Variants in NDUFC2 observed in about 807,000 individuals in gnomAD.
NDUFC2 encodes the protein NADH dehydrogenase [ubiquinone] 1 subunit C2.
Under a neutral mutation model 10.1 loss-of-function variants are expected in NDUFC2, and 2 were observed. The ratio of observed to expected loss-of-function variants is 0.20; its 90% CI spans 0.08 to 0.62. The LOEUF is 0.62. Among genes scored for constraint, NDUFC2 ranks in the 20% least tolerant of loss-of-function variants. The pLI is 0.87. For synonymous variants in NDUFC2, 61 were observed against 63.6 expected (o/e 0.96, Z 0.20); for missense variants, 156 against 159.6 (o/e 0.98, Z 0.12).
chr11:78,079,353 G>C (rs1353703574), intron 1 of NDUFC2, among the ~76,000 whole-genome samples: 1 of 152,190 alleles, frequency 6.6e-6, no homozygotes, highest in African/African-American at 2.4e-5. Context: ...CACAGACTCA[G>C]TTCCTGCTTC....
In NDUFC2 at chr11:78,075,698, C is replaced by T. The variant is rs533722548; in HGVS notation, c.167-2557G>A. ...CACCCAGGCTCAAGTGATCCTCTTA[C>T]TTCAGTCTCCCAAGTAGCTGGGATC... is the stretch of plus-strand genomic sequence containing the variant. On this transcript the variant is annotated intron_variant, in intron 1 of 2. Transcript: ENST00000281031. Among the ~76,000 whole-genome samples, 28 of 152,334 alleles carry T rather than the reference C, an allele frequency of 1.8e-4. No homozygotes were observed. In the South Asian group the frequency reaches 5.6e-3, roughly 30 times the overall value.
At position 78,070,089 on chromosome 11, in the gene NDUFC2, T is replaced by C. The variant is rs941641573; in HGVS notation, c.311-53A>G. On this transcript the variant is annotated intron_variant, in intron 2 of 2. Transcript: ENST00000281031. ...TATTTTAAAAATATGTTTTAAAAATTGTATTTCCTAAACGAAAATTAACAC... is the reference window on the plus strand; with the variant it reads ...TATTTTAAAAATATGTTTTAAAAATCGTATTTCCTAAACGAAAATTAACAC... 4.6e-6 allele frequency: 6 copies of C among 1,317,380 alleles called. No individual in the cohort carries two copies. In the African/African-American group the frequency reaches 6.0e-5, roughly 13 times the overall value. The allele number at this position is 1,317,380 out of a possible 1,614,324, so 81.6% of individuals were successfully genotyped here.
chr11:78,077,435 C>A (rs1859298733), intron 1 of NDUFC2, among the ~76,000 whole-genome samples: 2 of 152,208 alleles, frequency 1.3e-5, no homozygotes, highest in South Asian at 2.1e-4. Flanking sequence ...TCAATTCTCA[C>A]AACAAATATG....
intron 2 of NDUFC2, among the ~76,000 whole-genome samples, chr11:78,072,431 GC>G (rs562921454): frequency 6.6e-6 from 1 of 152,178 alleles, no homozygotes; most frequent in South Asian, 2.1e-4. Flanking sequence ...GCCCCGCTCG[GC>G]CCCCCAAAGT....
chr11:78,069,582 G>T lies in NDUFC2; in HGVS notation c.*405C>A. ...GGGCAGGCAAACCTTTTCTGAAAGG[G>T]CTACATATTAATTAGGCTTTGCAGG... On this transcript the variant is annotated 3_prime_UTR_variant, in exon 3 of 3. Transcript: ENST00000281031. The T allele has an allele frequency of 2.5e-6, 1 of 393,474 alleles. No homozygotes were observed. The allele number at this position is 393,474 out of a possible 1,614,324, so 24.4% of individuals were successfully genotyped here.
chr11:78,079,781 C>T lies in NDUFC2; in HGVS notation c.-37G>A, dbSNP rs1859444535. ...TTCCACTTGAGGCCTGGTCTCAGAC[C>T]ACGAACTACAAGGAAAACCACGACG... is the stretch of plus-strand genomic sequence containing the variant. On this transcript the variant is annotated 5_prime_UTR_variant, in exon 1 of 3. Coordinates refer to ENST00000281031, the MANE Select transcript of NDUFC2 (RefSeq NM_004549.6). 1.3e-6 allele frequency: 2 copies of T among 1,579,166 alleles called. No homozygotes were observed. The highest frequency in any genetic ancestry group is 2.0e-5 in the Admixed American group (1 of 50,826).
At chr11:78,073,294 C>T (rs1310075551) in intron 1 of NDUFC2, among the ~76,000 whole-genome samples, 153 bp from the exon 2 acceptor site, 2 of 151,854 alleles carry the variant, frequency 1.3e-5, no homozygotes, top group African/African-American at 4.8e-5. Flanking sequence ...GAGTTCGAGA[C>T]CAGCCTGGCC....
chr11:78,079,627 A>T lies in NDUFC2; in HGVS notation c.118T>A (p.Ser40Thr). ...LLYIGFLGYCSGLIDNLIRRR... is the reference protein window; with the variant it reads ...LLYIGFLGYCTGLIDNLIRRR... ...CGGATTAGGTTATCAATCAGGCCGGAGCAGTAGCCCAAGAAGCCGATGTAG... is the reference window on the plus strand; with the variant it reads ...CGGATTAGGTTATCAATCAGGCCGGTGCAGTAGCCCAAGAAGCCGATGTAG... Residue 40 changes from serine (S) to threonine (T), a missense_variant, in exon 1 of 3, where the codon TCC becomes ACC. Physicochemically the swap from Ser to Thr is moderately conservative, Grantham distance 58. Coordinates refer to ENST00000281031, the MANE Select transcript of NDUFC2 (RefSeq NM_004549.6). 6.3e-7 allele frequency: 1 copy of T among 1,575,572 alleles called. No homozygotes were observed. The highest frequency in any genetic ancestry group is 8.6e-7 in the Non-Finnish European group (1 of 1,161,132).
At chr11:78,071,856 A>T (rs1038413555) in intron 2 of NDUFC2, among the ~76,000 whole-genome samples, 3 of 152,204 alleles carry the variant, frequency 2.0e-5, no homozygotes, top group African/African-American at 7.2e-5. Flanking sequence ...ATAAAGTAAT[A>T]TAGGGCAGGT....
At position 78,069,958 on chromosome 11, in the gene NDUFC2, G is replaced by C; in HGVS notation, c.*29C>G. 2 of 1,613,078 alleles carry C rather than the reference G, an allele frequency of 1.2e-6. No individual in the cohort carries two copies. The highest frequency in any genetic ancestry group is 1.7e-6 in the Non-Finnish European group (2 of 1,179,538). Reference sequence around the variant, plus strand: ...TCAAATTCAGAAACAGCAGGTATCAGTGAAACTGGAGCAAGCATTTTGAAG... The same window carrying C: ...TCAAATTCAGAAACAGCAGGTATCACTGAAACTGGAGCAAGCATTTTGAAG... On this transcript the variant is annotated 3_prime_UTR_variant, in exon 3 of 3. Coordinates refer to ENST00000281031, the MANE Select transcript of NDUFC2 (RefSeq NM_004549.6).
intron 1 of NDUFC2, among the ~76,000 whole-genome samples, chr11:78,077,293 A>G (rs1465834021): frequency 6.8e-6 from 1 of 147,516 alleles, no homozygotes; most frequent in Admixed American, 6.8e-5. Flanking sequence ...CCCTGTCTCA[A>G]AAAAAAAAAA....
chr11:78,076,418 AGGC>A (rs1859254964), intron 1 of NDUFC2, among the ~76,000 whole-genome samples: 1 of 152,274 alleles, frequency 6.6e-6, no homozygotes, highest in Non-Finnish European at 1.5e-5. Context: ...TTGGGATTAC[AGGC>A]ATGAGCCACC....
chr11:78,077,309 T>A (rs1182560333), intron 1 of NDUFC2, among the ~76,000 whole-genome samples: 5 of 150,952 alleles, frequency 3.3e-5, no homozygotes, highest in Admixed American at 3.3e-4. Flanking sequence ...AAAAAAGGGT[T>A]CTGTAAATGA....
At chr11:78,078,725 C>G (rs1859356190) in intron 1 of NDUFC2, among the ~76,000 whole-genome samples, 2 of 25,666 alleles carry the variant, frequency 7.8e-5, no homozygotes, top group Non-Finnish European at 1.6e-4. Context: ...GAATCAGGAT[C>G]CGCTTTTTTT....
chr11:78,073,048 C>T lies in NDUFC2; in HGVS notation c.260G>A (p.Arg87His), dbSNP rs772399659. Residue 87 changes from arginine (R) to histidine (H), a missense_variant, in exon 2 of 3, where the codon CGT becomes CAT. Arg to His is a conservative substitution (Grantham distance 29). Transcript: ENST00000281031. The part of the protein sequence containing the change: ...REDYLYAVRD[R>H]EMFGYMKLHP... Reference sequence around the variant, plus strand: ...TAATTTCATATATCCAAACATTTCACGGTCCCTCACAGCATACAGGTAGTC... The same window carrying T: ...TAATTTCATATATCCAAACATTTCATGGTCCCTCACAGCATACAGGTAGTC... 31 of 1,613,850 alleles carry T rather than the reference C, an allele frequency of 1.9e-5. 1 individual carries two copies. In the East Asian group the frequency reaches 2.9e-4, roughly 15 times the overall value.
intron 1 of NDUFC2, among the ~76,000 whole-genome samples, chr11:78,077,620 A>G (rs1859307065): frequency 6.6e-6 from 1 of 151,932 alleles, no homozygotes; most frequent in African/African-American, 2.4e-5. Flanking sequence ...CAGTGGTGCA[A>G]TCGTGGCTCG....
Position 78,079,622 on chromosome 11 carries a change from G to A in NDUFC2, c.123C>T (p.Gly41=). 1.3e-6 allele frequency: 2 copies of A among 1,569,556 alleles called. No homozygotes were observed. Among genetic ancestry groups the A allele is most frequent in the Non-Finnish European group, 1.7e-6 (2 of 1,157,928 alleles). ...TCCGCCGGATTAGGTTATCAATCAGGCCGGAGCAGTAGCCCAAGAAGCCGA... is the reference window on the plus strand; with the variant it reads ...TCCGCCGGATTAGGTTATCAATCAGACCGGAGCAGTAGCCCAAGAAGCCGA... ...LYIGFLGYCS[G]LIDNLIRRRP... is the part of the protein sequence containing the mutation. Residue 41 remains glycine, a synonymous_variant, in exon 1 of 3, where the codon GGC becomes GGT. Transcript: ENST00000281031.
Position 78,072,981 on chromosome 11 carries a change from A to G in NDUFC2, c.310+17T>C, listed in dbSNP as rs1253035154. ...TAATACAGTAAACACAGATTATCTAAAATTAACTTGAAATACCTTCTTCAG... is the reference window on the plus strand; with the variant it reads ...TAATACAGTAAACACAGATTATCTAGAATTAACTTGAAATACCTTCTTCAG... On this transcript the variant is annotated intron_variant, in intron 2 of 2. Transcript: ENST00000281031. 6.2e-7 allele frequency: 1 copy of G among 1,607,298 alleles called. No individual in the cohort carries two copies. Among genetic ancestry groups the G allele is most frequent in the Admixed American group, 1.7e-5 (1 of 57,684 alleles).
chr11:78,073,115 T>C lies in NDUFC2; in HGVS notation c.193A>G (p.Thr65Ala). 3 of 1,611,764 alleles carry C rather than the reference T, an allele frequency of 1.9e-6. No homozygotes were observed. The highest frequency in any genetic ancestry group is 1.1e-5 in the South Asian group (1 of 90,328). The change falls in exon 2 of 3, where the codon ACG becomes GCG. Residue 65 changes from threonine to alanine, a missense_variant. Physicochemically the swap from Thr to Ala is moderately conservative, Grantham distance 58. Transcript: ENST00000281031. The part of the protein sequence containing the change: ...AGLHRQLLYI[T>A]AFFFAGYYLV... ...TAATATCCAGCAAAAAAAAAGGCCGTAATATATAGAAGCTGGCGATGCAAA... is the reference window on the plus strand; with the variant it reads ...TAATATCCAGCAAAAAAAAAGGCCGCAATATATAGAAGCTGGCGATGCAAA...
Sources: gnomAD v4.1 joint callset for allele counts (sites outside exome capture counted in the v4.1 genomes callset) on GRCh38, gnomAD v4.1.1 for gene constraint, MANE v1.5 for transcripts, NCBI Gene and HGNC (gene_info 2026-07-23, HGNC 2026-07-21) for gene names.